The following RPAP2 variants were observed in gnomAD, a reference collection of about 807,000 sequenced individuals.
RPAP2 encodes RNA polymerase II associated protein 2.
A neutral mutation model predicts 73.1 loss-of-function variants in RPAP2; 52 were observed. The observed-to-expected ratio is 0.71, with a 90% CI of 0.57 to 0.90. RPAP2 has a LOEUF of 0.90. Ranked by LOEUF, RPAP2 falls within the 40% of genes least tolerant of loss-of-function variation. RPAP2 has a pLI of 0.00. For missense variants in RPAP2, 598 were observed against 701.8 expected (o/e 0.85, Z 1.67); for synonymous variants, 225 against 242.1 (o/e 0.93, Z 0.65).
rs1655256721 is a variant in RPAP2 at position 92,373,734 on chromosome 1, AAAAAT to A, written c.1689-6985_1689-6981del. Among the ~76,000 whole-genome samples, 5 of 82,038 alleles carry A rather than the reference AAAAAT, an allele frequency of 6.1e-5. 1 individual carries two copies. Among genetic ancestry groups the A allele is most frequent in the South Asian group, 9.7e-4 (2 of 2,064 alleles). The allele number at this position is 82,038 out of a possible 152,430, so 53.8% of individuals were successfully genotyped here. A position where few individuals can be genotyped will look rare whatever the true frequency, so the allele number is the denominator to read the frequency against. The stretch of plus-strand genomic sequence containing the variant: ...AACATGGTGAAACCCCGTCTCTACT[AAAAAT>A]AAAAAAAAAAAAAAAAAAAAAAAAA... On this transcript the variant is annotated intron_variant, in intron 11 of 12. Coordinates refer to ENST00000610020, the MANE Select transcript of RPAP2 (RefSeq NM_024813.3).
chr1:92,315,850 T>C (rs768415729), intron 6 of RPAP2, among the ~76,000 whole-genome samples: 72 of 152,318 alleles, frequency 4.7e-4, no homozygotes, highest in Middle Eastern at 3.4e-3. Context: ...AAATGTCTCC[T>C]GATACCCTGT....
chr1:92,339,737 C>T (rs1021824217), intron 10 of RPAP2, among the ~76,000 whole-genome samples: 5 of 151,900 alleles, frequency 3.3e-5, no homozygotes, highest in South Asian at 2.1e-4. Context: ...AAAATACAGC[C>T]GGGCACAGTG....
chr1:92,321,296 A>G (rs964894396), intron 7 of RPAP2, among the ~76,000 whole-genome samples: 26 of 152,160 alleles, frequency 1.7e-4, no homozygotes, highest in African/African-American at 6.0e-4. Flanking sequence ...ATGAAAGTTA[A>G]ATTGTTCTAA....
chr1:92,385,741 CCAAA>C (rs537766898), intron 12 of RPAP2, among the ~76,000 whole-genome samples: 54 of 152,196 alleles, frequency 3.5e-4, no homozygotes, highest in Admixed American at 6.5e-4. Context: ...ACAAATTTCT[CCAAA>C]CAAACAAACA....
chr1:92,325,578 T>A (rs1009957668), intron 8 of RPAP2, among the ~76,000 whole-genome samples: 9 of 152,160 alleles, frequency 5.9e-5, no homozygotes, highest in Non-Finnish European at 1.0e-4. Context: ...CCAAAAATGT[T>A]ACATAACATG....
chr1:92,333,334 CAAAG>C, intron 8 of RPAP2, 53 bp from the exon 9 acceptor site: 11 of 1,379,064 alleles, frequency 8.0e-6, no homozygotes, highest in South Asian at 2.3e-5. Context: ...TTCTGCTTAT[CAAAG>C]AAAGAATGTA....
intron 10 of RPAP2, among the ~76,000 whole-genome samples, chr1:92,342,398 T>G (rs149836684): frequency 1.1e-4 from 17 of 152,208 alleles, no homozygotes; most frequent in African/African-American, 3.4e-4. Context: ...AGTAGAGAGA[T>G]ATGTGGTCAG....
rs957771144 is a variant in RPAP2, at chr1:92,373,753, A to T, written c.1689-6971A>T. On this transcript the variant is annotated intron_variant, in intron 11 of 12. Coordinates refer to ENST00000610020, the MANE Select transcript of RPAP2 (RefSeq NM_024813.3). ...TCTACTAAAAATAAAAAAAAAAAAA[A>T]AAAAAAAAAAAAAAAAAGTAGCCAG... Among the ~76,000 whole-genome samples, 1,189 of 145,572 alleles carry T rather than the reference A, an allele frequency of 8.2e-3. 16 individuals carry two copies. Among genetic ancestry groups the T allele is most frequent in the African/African-American group, 0.028 (1,124 of 39,734 alleles).
chr1:92,377,540 A>AG (rs1491199831), intron 11 of RPAP2, among the ~76,000 whole-genome samples: 3 of 141,942 alleles, frequency 2.1e-5, no homozygotes, highest in Non-Finnish European at 4.6e-5. Flanking sequence ...AAAAAAAAAA[A>AG]GAATTGGGTT....
intron 8 of RPAP2, among the ~76,000 whole-genome samples, chr1:92,325,148 A>G (rs560364120): frequency 3.5e-4 from 53 of 152,276 alleles, no homozygotes; most frequent in African/African-American, 1.3e-3. Flanking sequence ...TATTTCTACT[A>G]CCCATCTTTG....
rs1030252594 is a variant in RPAP2, at chr1:92,395,606, A to T, written c.*8595A>T. 6.8e-6 allele frequency: 1 copy of T among 147,704 alleles called. No individual in the cohort carries two copies. Among genetic ancestry groups the T allele is most frequent in the African/African-American group, 2.5e-5 (1 of 39,914 alleles). 9.1% of individuals were successfully genotyped at this position (147,704 alleles called of 1,614,324 possible). On this transcript the variant is annotated 3_prime_UTR_variant, in exon 13 of 13. Coordinates refer to ENST00000610020, the MANE Select transcript of RPAP2 (RefSeq NM_024813.3). ...AGCCAAGATCACACCACCGCACTAGAGCCTGGGTGACAGAGTGAGACCCTG... is the reference window on the plus strand; with the variant it reads ...AGCCAAGATCACACCACCGCACTAGTGCCTGGGTGACAGAGTGAGACCCTG...
intron 11 of RPAP2, among the ~76,000 whole-genome samples, chr1:92,355,408 T>A (rs1375392452): frequency 2.6e-5 from 4 of 152,146 alleles, no homozygotes; most frequent in Non-Finnish European, 5.9e-5. Context: ...GTGTAAAAAG[T>A]AAGAAACTGT....
chr1:92,310,650 C>G (rs1310735912), intron 6 of RPAP2, among the ~76,000 whole-genome samples: 2 of 152,030 alleles, frequency 1.3e-5, no homozygotes, highest in Middle Eastern at 3.2e-3. Flanking sequence ...GTAATCCCAG[C>G]ATTTGGGAGG....
At position 92,310,368 on chromosome 1, in the gene RPAP2, G is replaced by A. The variant is rs889422258; in HGVS notation, c.488+3092G>A. Among the ~76,000 whole-genome samples the A allele has an allele frequency of 3.3e-5, 5 of 152,214 alleles. No homozygotes were observed. In the East Asian group the frequency reaches 5.8e-4, roughly 18 times the overall value. ...TTTTGTATTTTTAAAAGCTTGTCTA[G>A]CTATTGCACATTTAAGCTCTACAGA... is the stretch of plus-strand genomic sequence containing the variant. On this transcript the variant is annotated intron_variant, in intron 6 of 12. Coordinates refer to ENST00000610020, the MANE Select transcript of RPAP2 (RefSeq NM_024813.3).
chr1:92,342,746 G>A (rs1445214045), intron 10 of RPAP2, among the ~76,000 whole-genome samples: 1 of 152,132 alleles, frequency 6.6e-6, no homozygotes, highest in Non-Finnish European at 1.5e-5. Context: ...TTTGGTGACT[G>A]GCTGGACATG....
chr1:92,300,322 C>G, intron 2 of RPAP2, 83 bp downstream of exon 2: 1 of 1,095,344 alleles, frequency 9.1e-7, no homozygotes, highest in Non-Finnish European at 1.3e-6. Flanking sequence ...ATAATGGTTA[C>G]CTTTTTTTTT....
At chr1:92,331,744 T>G (rs756748714) in intron 8 of RPAP2, among the ~76,000 whole-genome samples, 2 of 152,168 alleles carry the variant, frequency 1.3e-5, no homozygotes, top group Non-Finnish European at 2.9e-5. Context: ...TTCATTGTTT[T>G]TCATTCCTTC....
At position 92,319,388 on chromosome 1, in the gene RPAP2, C is replaced by T. The variant is rs552030351; in HGVS notation, c.489-1211C>T. On this transcript the variant is annotated intron_variant, in intron 6 of 12. Coordinates refer to ENST00000610020, the MANE Select transcript of RPAP2 (RefSeq NM_024813.3). ...CTGTACTCAGTTTCCTTATCTATAA[C>T]ATGGGGATAATATTAGTAGCTACAT... is the stretch of plus-strand genomic sequence containing the variant. Among the ~76,000 whole-genome samples the T allele has an allele frequency of 5.9e-5, 9 of 152,266 alleles. No homozygotes were observed. In the East Asian group the frequency reaches 1.7e-3, roughly 29 times the overall value.
rs977980827 is a variant in RPAP2 at position 92,389,053 on chromosome 1, C to T, written c.*2042C>T. The T allele has an allele frequency of 3.9e-5, 6 of 152,444 alleles. No homozygotes were observed. The highest frequency in any genetic ancestry group is 9.6e-5 in the African/African-American group (4 of 41,472). The allele number at this position is 152,444 out of a possible 1,614,324, so 9.4% of individuals were successfully genotyped here. Reference sequence around the variant, plus strand: ...GAGAGCAGTGGTTCTCCCAGCACCGCGTTCAAGCTCCGATAATAGACAGAC... The same window carrying T: ...GAGAGCAGTGGTTCTCCCAGCACCGTGTTCAAGCTCCGATAATAGACAGAC... On this transcript the variant is annotated 3_prime_UTR_variant, in exon 13 of 13. Coordinates refer to ENST00000610020, the MANE Select transcript of RPAP2 (RefSeq NM_024813.3).
Sources: gnomAD v4.1 joint callset for allele counts (sites outside exome capture counted in the v4.1 genomes callset) on GRCh38, gnomAD v4.1.1 for gene constraint, MANE v1.5 for transcripts, NCBI Gene and HGNC (gene_info 2026-07-23, HGNC 2026-07-21) for gene names.